ADGRD2: variants seen among roughly 807,000 people sequenced by gnomAD.
ADGRD2 encodes G protein-coupled receptor PGR24.
In ADGRD2, 71 loss-of-function variants were observed where a neutral mutation model predicts 44.4. The ratio of observed to expected loss-of-function variants is 1.60; its 90% CI spans 1.32 to 1.95. The LOEUF is 1.95. ADGRD2 is among the 30% of genes most tolerant of loss of function. The pLI is 0.00. For synonymous variants in ADGRD2, 481 were observed against 224.8 expected (o/e 2.14, Z -10.19); for missense variants, 1,039 against 512.4 (o/e 2.03, Z -9.92).
At chr9:124,466,483 G>T in intron 11 of ADGRD2, 70 bp downstream of exon 14, 1 of 602,858 alleles carries the variant, frequency 1.7e-6, no homozygotes, top group Non-Finnish European at 3.1e-6. Context: ...AGAGCCAATA[G>T]GTAGCCAGAA....
chr9:124,452,319 C>A (rs1340133152), intron 1 of ADGRD2, 165 bp downstream of exon 4: 3 of 637,360 alleles, frequency 4.7e-6, no homozygotes, highest in Non-Finnish European at 8.6e-6. Context: ...GTTTCCGTCT[C>A]ATTCCTGCCA....
chr9:124,468,132 T>G (rs1341620030), exon 13 of ADGRD2: 3 of 718,570 alleles, frequency 4.2e-6, no homozygotes, highest in East Asian at 5.4e-5. Flanking sequence ...AACCTCACCT[T>G]CTCCCTGGCC....
chr9:124,464,983 G>A (rs1831791859), intron 10 of ADGRD2, among the ~76,000 whole-genome samples: 2 of 152,202 alleles, frequency 1.3e-5, no homozygotes, highest in Admixed American at 6.5e-5. Flanking sequence ...AGTGTCCCAA[G>A]GAGAGGAGAG....
intron 17 of ADGRD2, among the ~76,000 whole-genome samples, chr9:124,471,052 A>G (rs1254533736): frequency 1.3e-5 from 2 of 152,214 alleles, no homozygotes; most frequent in Non-Finnish European, 2.9e-5. Context: ...TGAGGAGGCC[A>G]GTTCATGAGG....
chr9:124,460,387 TA>T (rs1383003892), intron 10 of ADGRD2, among the ~76,000 whole-genome samples: 1 of 64,964 alleles, frequency 1.5e-5, no homozygotes, highest in East Asian at 3.7e-4. Flanking sequence ...TATATATATA[TA>T]TTTTTTTTTA....
rs1375519741 is a variant in ADGRD2, at chr9:124,467,837, C to T, written c.2130+13C>T. The T allele has an allele frequency of 2.8e-6, 2 of 718,424 alleles. No homozygotes were observed. Among genetic ancestry groups the T allele is most frequent in the Non-Finnish European group, 2.6e-6 (1 of 385,062 alleles). 44.5% of individuals were successfully genotyped at this position (718,424 alleles called of 1,614,324 possible). On this transcript the variant is annotated intron_variant, in intron 12 of 21. Coordinates refer to ENST00000334810, the Ensembl canonical transcript of ADGRD2. The stretch of plus-strand genomic sequence containing the variant: ...TCCTGGTGGCCGGGTGAGGAGAGTT[C>T]ACCACTGTAGCCTGGTGGCCTGGGC...
chr9:124,465,723 C>T (rs1831808782), intron 10 of ADGRD2: 1 of 152,104 alleles, frequency 6.6e-6, no homozygotes, highest in Admixed American at 6.5e-5. Context: ...TGGTTTTGAC[C>T]TCTGTTCACC....
chr9:124,467,692 CA>C (rs1831851503), intron 11 of ADGRD2, 28 bp from the exon 15 acceptor site: 3 of 717,732 alleles, frequency 4.2e-6, no homozygotes, highest in East Asian at 2.7e-5. Flanking sequence ...TGGGTGGTGC[CA>C]GGGGGGTTTC....
intron 2 of ADGRD2, among the ~76,000 whole-genome samples, 152 bp downstream of exon 5, chr9:124,452,874 G>A (rs1396825565): frequency 6.6e-6 from 1 of 152,234 alleles, no homozygotes; most frequent in Non-Finnish European, 1.5e-5. Flanking sequence ...GGGCGTCGGG[G>A]CTTGACTCTT....
chr9:124,469,838 ACT>A (rs1831911747), intron 16 of ADGRD2, among the ~76,000 whole-genome samples: 1 of 152,232 alleles, frequency 6.6e-6, no homozygotes, highest in Admixed American at 6.5e-5. Flanking sequence ...CAAGGAGTGC[ACT>A]GTCTGCGGCA....
Position 124,454,013 on chromosome 9 carries a change from T to C in ADGRD2, c.940T>C (p.Cys314Arg). The C allele has an allele frequency of 1.4e-6, 1 of 704,604 alleles. No individual in the cohort carries two copies. The highest frequency in any genetic ancestry group is 2.6e-6 in the Non-Finnish European group (1 of 380,200). The allele number at this position is 704,604 out of a possible 1,614,324, so 43.6% of individuals were successfully genotyped here. ...GCCCCTGCCAGTGCCCTCCGAGGAGTGCCCTACGTGGAACCCGGGACCTCG... is the reference window on the plus strand; with the variant it reads ...GCCCCTGCCAGTGCCCTCCGAGGAGCGCCCTACGTGGAACCCGGGACCTCG... Residue 314 changes from cysteine to arginine, a missense_variant, in exon 4 of 22, where the codon TGC (cysteine) becomes CGC (arginine). Coordinates refer to ENST00000334810, the Ensembl canonical transcript of ADGRD2. This position sits in a 1 kb window ranked among gnomAD's most constrained non-coding sequence, Gnocchi z 4.5.
intron 10 of ADGRD2, among the ~76,000 whole-genome samples, chr9:124,463,195 T>C (rs913996427): frequency 1.3e-5 from 2 of 152,212 alleles, no homozygotes; most frequent in Admixed American, 6.5e-5. Context: ...ATTTTTATCA[T>C]GAATGGCTTT....
intron 10 of ADGRD2, among the ~76,000 whole-genome samples, chr9:124,461,018 A>G (rs959629341): frequency 6.6e-6 from 1 of 151,962 alleles, no homozygotes; most frequent in Non-Finnish European, 1.5e-5. Flanking sequence ...TTGCTATCTC[A>G]TTGTGGATTT....
chr9:124,468,161 A>G (rs1475495751), exon 13 of ADGRD2: 3 of 718,534 alleles, frequency 4.2e-6, no homozygotes, highest in African/African-American at 1.7e-5. Flanking sequence ...GGGCTTCCTC[A>G]TGACCAGCGA....
chr9:124,454,474 T>C lies in ADGRD2; in HGVS notation c.1023-10T>C, dbSNP rs1002748275. The C allele has an allele frequency of 1.4e-6, 1 of 708,594 alleles. No homozygotes were observed. The highest frequency in any genetic ancestry group is 2.0e-5 in the Admixed American group (1 of 49,840). The allele number at this position is 708,594 out of a possible 1,614,324, so 43.9% of individuals were successfully genotyped here. On this transcript the variant is annotated splice_polypyrimidine_tract_variant and intron_variant, in intron 4 of 21. Transcript: ENST00000334810. This position sits in a 1 kb window ranked among gnomAD's most constrained non-coding sequence, Gnocchi z 4.5. ...GCCCGGGGCCTAGCCTGGCATCCAC[T>C]CCTTTGCAGAGCCCTATCGTCGGCT...
At position 124,470,401 on chromosome 9, in the gene ADGRD2, C is replaced by T. The variant is rs148628400; in HGVS notation, c.2638-93C>T. 1.3e-3 allele frequency: 845 copies of T among 633,620 alleles called. 5 individuals are homozygous for T. Among genetic ancestry groups the T allele is most frequent in the African/African-American group, 0.012 (692 of 55,968 alleles). 39.2% of individuals were successfully genotyped at this position (633,620 alleles called of 1,614,324 possible). A position where few individuals can be genotyped will look rare whatever the true frequency, so the allele number is the denominator to read the frequency against. Reference sequence around the variant, plus strand: ...GTCCCGGCCCTCAGCTCCCACCCCGCTCCAGGCACGTACAGGTGCTGCTCT... The same window carrying T: ...GTCCCGGCCCTCAGCTCCCACCCCGTTCCAGGCACGTACAGGTGCTGCTCT... On this transcript the variant is annotated intron_variant, in intron 16 of 21. Coordinates refer to ENST00000334810, the Ensembl canonical transcript of ADGRD2.
chr9:124,464,925 T>C (rs749976748), intron 10 of ADGRD2, among the ~76,000 whole-genome samples: 4 of 152,154 alleles, frequency 2.6e-5, no homozygotes, highest in Non-Finnish European at 5.9e-5. Context: ...ATCACGGAGA[T>C]CTTTCACATC....
chr9:124,454,514 C>T lies in ADGRD2; in HGVS notation c.1055C>T (p.Ser352Leu), dbSNP rs373231955. 1.0e-4 allele frequency: 72 copies of T among 716,728 alleles called. No individual in the cohort carries two copies. The highest frequency in any genetic ancestry group is 9.8e-4 in the African/African-American group (56 of 57,366). 44.4% of individuals were successfully genotyped at this position (716,728 alleles called of 1,614,324 possible). A position where few individuals can be genotyped will look rare whatever the true frequency, so the allele number is the denominator to read the frequency against. Residue 352 changes from serine to leucine, a missense_variant, in exon 5 of 22, where the codon TCG (serine) becomes TTG (leucine). Transcript: ENST00000334810. The surrounding 1 kb of genome is among the most constrained non-coding windows in gnomAD (Gnocchi z 4.5). ...TATCGTCGGCTGCAGGATGCCCAGTCGTGGCCTGGCCAGGATGTTATCAGC... is the reference window on the plus strand; with the variant it reads ...TATCGTCGGCTGCAGGATGCCCAGTTGTGGCCTGGCCAGGATGTTATCAGC...
chr9:124,466,293 T>C (rs1210922521), exon 11 of ADGRD2: 1 of 713,758 alleles, frequency 1.4e-6, no homozygotes, highest in South Asian at 1.5e-5. Context: ...CAAGCCCATA[T>C]ACAGGGGGTG....
Sources: gnomAD v4.1 joint callset for allele counts (sites outside exome capture counted in the v4.1 genomes callset) on GRCh38, gnomAD v4.1.1 for gene constraint, Gnocchi (gnomAD v3.1) non-coding constraint, MANE v1.5 for transcripts, NCBI Gene and HGNC (gene_info 2026-07-23, HGNC 2026-07-21) for gene names.